UNC13C: variants seen among roughly 807,000 people sequenced by gnomAD.
UNC13C encodes the protein unc-13 homolog C.
In UNC13C, 174 loss-of-function variants were observed where a neutral mutation model predicts 245.4. That is an observed-to-expected ratio of 0.71 (90% confidence interval 0.63 to 0.80). The LOEUF (loss-of-function observed/expected upper bound fraction) is 0.80. Among genes scored for constraint, UNC13C ranks in the 30% least tolerant of loss-of-function variants. UNC13C has a pLI of 0.00. For missense variants in UNC13C, 2,829 were observed against 2,602.9 expected (o/e 1.09, Z -1.89); for synonymous variants, 992 against 895.1 (o/e 1.11, Z -1.93).
chr15:54,329,251 A>T (rs2038378501), intron 14 of UNC13C, among the ~76,000 whole-genome samples: 1 of 151,958 alleles, frequency 6.6e-6, no homozygotes, highest in Admixed American at 6.6e-5. Flanking sequence ...AATATCGATC[A>T]TCTCAAGCAT....
At chr15:54,622,081 T>C (rs1900831447) in intron 30 of UNC13C, among the ~76,000 whole-genome samples, 2 of 152,188 alleles carry the variant, frequency 1.3e-5, no homozygotes, top group African/African-American at 4.8e-5. Flanking sequence ...ATCATAATAG[T>C]AACAGAATGT....
chr15:54,262,963 G>A (rs1017621600), intron 8 of UNC13C, among the ~76,000 whole-genome samples: 1 of 151,696 alleles, frequency 6.6e-6, no homozygotes, highest in African/African-American at 2.4e-5. Context: ...ACTTAAATTG[G>A]GCTCAACATT....
At chr15:54,203,271 A>G (rs1222785432) in intron 4 of UNC13C, among the ~76,000 whole-genome samples, 5 of 151,666 alleles carry the variant, frequency 3.3e-5, no homozygotes, top group East Asian at 1.9e-4. Flanking sequence ...CAGTGTGAAG[A>G]CTCCTTAAAG....
chr15:54,101,786 A>G (rs1339493249), intron 2 of UNC13C, among the ~76,000 whole-genome samples: 1 of 151,966 alleles, frequency 6.6e-6, no homozygotes, highest in Non-Finnish European at 1.5e-5. Context: ...GGGTTTCACC[A>G]TATTGGTCAG....
intron 2 of UNC13C, among the ~76,000 whole-genome samples, chr15:54,098,145 C>T (rs1899972166): frequency 6.6e-6 from 1 of 152,108 alleles, no homozygotes; most frequent in Non-Finnish European, 1.5e-5. Context: ...ACATCCTCCA[C>T]TTTGGTGACT....
chr15:54,255,433 T>G (rs1459185751), intron 8 of UNC13C, among the ~76,000 whole-genome samples: 1 of 152,060 alleles, frequency 6.6e-6, no homozygotes, highest in Non-Finnish European at 1.5e-5. Flanking sequence ...CACGTTCTGT[T>G]AGTTGATAGT....
intron 19 of UNC13C, among the ~76,000 whole-genome samples, chr15:54,467,812 A>G (rs928894409): frequency 2.6e-5 from 4 of 151,710 alleles, no homozygotes; most frequent in African/African-American, 9.7e-5. Context: ...TTAAGGCTCA[A>G]TAGTATCTCA....
chr15:53,956,905 T>TGTGTGTGTGC, the UNC13C span, among the ~76,000 whole-genome samples: 5 of 151,394 alleles, frequency 3.3e-5, no homozygotes, highest in East Asian at 3.9e-4. Context: ...TGTGTGTGTG[T>TGTGTGTGTGC]GCATGCACAC....
chr15:54,331,205 A>G (rs1266305636), intron 14 of UNC13C, among the ~76,000 whole-genome samples: 1 of 152,040 alleles, frequency 6.6e-6, no homozygotes, highest in African/African-American at 2.4e-5. Flanking sequence ...ATGTCATTTA[A>G]TCTTACCTCT....
At chr15:54,107,638 T>G (rs1388387588) in intron 2 of UNC13C, among the ~76,000 whole-genome samples, 3 of 152,352 alleles carry the variant, frequency 2.0e-5, no homozygotes, top group Middle Eastern at 3.4e-3. Flanking sequence ...TGATGCTGCT[T>G]CTTTTATGCA....
intron 26 of UNC13C, among the ~76,000 whole-genome samples, chr15:54,533,966 A>T (rs879574431): frequency 1.7e-4 from 26 of 152,238 alleles, no homozygotes; most frequent in Non-Finnish European, 1.3e-4. Context: ...GTTAGTTTAC[A>T]TAATCTCATT....
At chr15:54,596,116 T>C (rs1899067325) in intron 30 of UNC13C, among the ~76,000 whole-genome samples, 1 of 152,312 alleles carries the variant, frequency 6.6e-6, no homozygotes, top group Admixed American at 6.5e-5. Context: ...CAAGTTGAAT[T>C]GGACAGGGTT....
chr15:54,274,666 A>AGTTTTTTTTT (rs1567151983), intron 10 of UNC13C, among the ~76,000 whole-genome samples: 1 of 78,272 alleles, frequency 1.3e-5, no homozygotes, highest in African/African-American at 6.3e-5. Flanking sequence ...AATAAAGTAG[A>AGTTTTTTTTT]CTTTTTTTTT....
intron 2 of UNC13C, among the ~76,000 whole-genome samples, chr15:54,129,259 G>C (rs1251844741): frequency 6.6e-6 from 1 of 152,120 alleles, no homozygotes; most frequent in Non-Finnish European, 1.5e-5. Flanking sequence ...GCGTACATAT[G>C]TACATACATC....
At chr15:54,339,531 T>C (rs1028025682) in intron 17 of UNC13C, among the ~76,000 whole-genome samples, 3 of 152,158 alleles carry the variant, frequency 2.0e-5, no homozygotes, top group African/African-American at 7.2e-5. Flanking sequence ...AGCTTTCTAT[T>C]CCTGAATTAC....
chr15:53,927,380 A>G, the UNC13C span, among the ~76,000 whole-genome samples: 4 of 152,188 alleles, frequency 2.6e-5, no homozygotes, highest in African/African-American at 9.6e-5. Context: ...GTAAGAGTCC[A>G]GATAAGAAAT....
chr15:54,340,802 G>C (rs1300019169), intron 17 of UNC13C, among the ~76,000 whole-genome samples: 2 of 152,018 alleles, frequency 1.3e-5, no homozygotes, highest in African/African-American at 4.8e-5. Context: ...TTTTAGGACT[G>C]TTTTTTCTAG....
At chr15:54,515,943 G>C (rs967195356) in intron 24 of UNC13C, among the ~76,000 whole-genome samples, 2 of 152,180 alleles carry the variant, frequency 1.3e-5, no homozygotes, top group Non-Finnish European at 2.9e-5. Flanking sequence ...GCAGAATAGA[G>C]CCAAGGAATC....
At chr15:54,599,478 A>G (rs936779575) in intron 30 of UNC13C, among the ~76,000 whole-genome samples, 5 of 151,912 alleles carry the variant, frequency 3.3e-5, no homozygotes, top group African/African-American at 1.2e-4. Context: ...TTTTTATGCT[A>G]TTTGTGGATA....
Sources: allele counts gnomAD v4.1 joint callset (sites outside exome capture counted in the v4.1 genomes callset), GRCh38; gene constraint gnomAD v4.1.1; transcripts MANE v1.5; gene names NCBI Gene and HGNC (gene_info 2026-07-23, HGNC 2026-07-21).